EYS: variants seen among roughly 807,000 people sequenced by gnomAD.
EYS encodes the protein protein eyes shut homolog.
In EYS, 250 loss-of-function variants were observed where a neutral mutation model predicts 282.1. That is an observed-to-expected ratio of 0.89 (90% CI 0.80 to 0.98). The LOEUF (loss-of-function observed/expected upper bound fraction) is 0.98, where lower values mean the gene tolerates loss of function less well. Ranked by LOEUF, EYS falls within the 50% of genes least tolerant of loss-of-function variation. EYS has a pLI of 0.00. For synonymous variants in EYS, 1,355 were observed against 1,282.9 expected (o/e 1.06, Z -1.20); for missense variants, 4,016 against 3,709.0 (o/e 1.08, Z -2.15).
intron 33 of EYS, among the ~76,000 whole-genome samples, chr6:64,022,797 C>G (rs1267013493): frequency 2.0e-5 from 3 of 152,204 alleles, no homozygotes; most frequent in Non-Finnish European, 4.4e-5. Flanking sequence ...AAACTAGTGC[C>G]AATGAATTTT....
At chr6:64,420,467 T>A (rs1172608596) in intron 28 of EYS, among the ~76,000 whole-genome samples, 1 of 151,496 alleles carries the variant, frequency 6.6e-6, no homozygotes, top group Non-Finnish European at 1.5e-5. Context: ...CTTGAATTTC[T>A]CCCCAGAAAA....
chr6:64,452,288 A>T (rs1449953698), intron 26 of EYS, among the ~76,000 whole-genome samples: 1 of 152,136 alleles, frequency 6.6e-6, no homozygotes, highest in African/African-American at 2.4e-5. Context: ...ATACCTAGGA[A>T]TCCAACTTAC....
At chr6:65,470,293 G>A (rs959481690) in intron 5 of EYS, among the ~76,000 whole-genome samples, 1 of 152,128 alleles carries the variant, frequency 6.6e-6, no homozygotes, top group African/African-American at 2.4e-5. Flanking sequence ...GCAATGGGAA[G>A]TAAAGTGGCA....
At chr6:65,635,321 G>A (rs1276172444) in intron 2 of EYS, among the ~76,000 whole-genome samples, 1 of 152,084 alleles carries the variant, frequency 6.6e-6, no homozygotes, top group Admixed American at 6.5e-5. Flanking sequence ...GCCCAAAGCA[G>A]GGTTTAAAAC....
chr6:64,457,525 T>A (rs775231698), intron 26 of EYS, among the ~76,000 whole-genome samples: 2 of 152,078 alleles, frequency 1.3e-5, no homozygotes, highest in South Asian at 4.1e-4. Context: ...TGATATTTTC[T>A]TTATGTGTTT....
intron 27 of EYS, 41 bp downstream of exon 27, chr6:64,439,121 C>G: frequency 8.8e-7 from 1 of 1,141,008 alleles, no homozygotes; most frequent in Non-Finnish European, 1.2e-6. Context: ...ATTAGAACAA[C>G]TTTGTAATTT....
At chr6:65,086,280 C>T (rs529582486) in intron 12 of EYS, among the ~76,000 whole-genome samples, 1 of 151,972 alleles carries the variant, frequency 6.6e-6, no homozygotes, top group Non-Finnish European at 1.5e-5. Flanking sequence ...TGTGCCATTG[C>T]ACTCCAGCCT....
chr6:65,095,988 G>T (rs983896397), intron 12 of EYS, among the ~76,000 whole-genome samples: 3 of 150,916 alleles, frequency 2.0e-5, no homozygotes, highest in Admixed American at 6.6e-5. Flanking sequence ...ATCCAAATCA[G>T]AAAGGAAGAA....
chr6:64,252,282 T>A (rs1767243615), intron 30 of EYS, among the ~76,000 whole-genome samples: 2 of 152,176 alleles, frequency 1.3e-5, no homozygotes, highest in South Asian at 4.2e-4. Flanking sequence ...TAGCCCAAAT[T>A]CAAATTAGAA....
In EYS at chr6:64,443,052, G is replaced by C. The variant is rs192291425; in HGVS notation, c.5645-3700C>G. ...CCTGGAAAAGCCACAGACACTCAACGCCAGCCCACGAAGGCAGCCAGGAGA... is the reference window on the plus strand; with the variant it reads ...CCTGGAAAAGCCACAGACACTCAACCCCAGCCCACGAAGGCAGCCAGGAGA... On this transcript the variant is annotated intron_variant, in intron 26 of 42. Coordinates refer to ENST00000503581, the MANE Select transcript of EYS (RefSeq NM_001142800.2). 2.0e-5 allele frequency among the ~76,000 whole-genome samples: 3 copies of C among 152,246 alleles called. No homozygotes were observed. In the East Asian group the frequency reaches 5.8e-4, roughly 29 times the overall value.
At position 64,297,977 on chromosome 6, in the gene EYS, C is replaced by CAAAAAAA. The variant is rs34562408; in HGVS notation, c.6191+8986_6191+8992dup. On this transcript the variant is annotated intron_variant, in intron 30 of 42. Transcript: ENST00000503581. ...TTGGCAACAGAGCAAGATTCTGTCT[C>CAAAAAAA]AAAAAAAAAAAAAAAAAAAAAATTA... is the stretch of plus-strand genomic sequence containing the variant. Among the ~76,000 whole-genome samples the CAAAAAAA allele has an allele frequency of 1.3e-4, 13 of 96,436 alleles. 1 individual carries two copies. Among genetic ancestry groups the CAAAAAAA allele is most frequent in the African/African-American group, 5.0e-4 (13 of 26,028 alleles). The allele number at this position is 96,436 out of a possible 152,430, so 63.3% of individuals were successfully genotyped here.
intron 31 of EYS, among the ~76,000 whole-genome samples, chr6:64,155,839 C>T (rs1353312113): frequency 1.3e-5 from 2 of 151,792 alleles, no homozygotes; most frequent in Non-Finnish European, 2.9e-5. Flanking sequence ...TTCCTTGTGT[C>T]TCCTTATATT....
chr6:63,795,157 AGTAT>A (rs1770613111), intron 37 of EYS, among the ~76,000 whole-genome samples: 1 of 152,234 alleles, frequency 6.6e-6, no homozygotes, highest in Non-Finnish European at 1.5e-5. Context: ...TTTCAAAGTA[AGTAT>A]GTTGTGGCAA....
rs1400961506 is a variant in EYS, at chr6:65,640,903, G to A, written c.-447-1011C>T. Among the ~76,000 whole-genome samples the A allele has an allele frequency of 5.9e-5, 9 of 151,430 alleles. No homozygotes were observed. The East Asian group carries it at 1.7e-3, about 29-fold the overall frequency. ...AGCCACAATTTTTTTTTTACCCTTG[G>A]CCAGTAAAATTTATTATCTGTGCCC... On this transcript the variant is annotated intron_variant, in intron 1 of 42. Transcript: ENST00000503581.
At chr6:64,262,576 T>A (rs978858898) in intron 30 of EYS, among the ~76,000 whole-genome samples, 5 of 152,022 alleles carry the variant, frequency 3.3e-5, no homozygotes, top group African/African-American at 1.2e-4. Context: ...ATTTGACAGA[T>A]ATTTTTTAAA....
At chr6:64,686,184 A>G (rs1219038617) in intron 22 of EYS, among the ~76,000 whole-genome samples, 1 of 152,018 alleles carries the variant, frequency 6.6e-6, no homozygotes, top group African/African-American at 2.4e-5. Context: ...AAATAAGAAA[A>G]ATTTAAAGTT....
chr6:65,092,145 T>C (rs1016463881), intron 12 of EYS, among the ~76,000 whole-genome samples: 4 of 152,156 alleles, frequency 2.6e-5, no homozygotes, highest in Non-Finnish European at 4.4e-5. Flanking sequence ...AAATAAAAGA[T>C]AATTTTTGGT....
At position 64,439,304 on chromosome 6, in the gene EYS, T is replaced by C. The variant is rs758448822; in HGVS notation, c.5693A>G (p.Asn1898Ser). The C allele has an allele frequency of 1.3e-5, 20 of 1,518,854 alleles. No individual in the cohort carries two copies. Among genetic ancestry groups the C allele is most frequent in the South Asian group, 2.6e-5 (2 of 76,460 alleles). The allele number at this position is 1,518,854 out of a possible 1,614,324, so 94.1% of individuals were successfully genotyped here. A position where few individuals can be genotyped will look rare whatever the true frequency, so the allele number is the denominator to read the frequency against. Reference protein sequence around the residue: ...YYGDSYLEFQNVALNPQNNIS... With the variant: ...YYGDSYLEFQSVALNPQNNIS... ...GTTATTTTGTGGATTTAAAGCCACATTCTGAAATTCTAGATAAGAATCTCC... is the reference window on the plus strand; with the variant it reads ...GTTATTTTGTGGATTTAAAGCCACACTCTGAAATTCTAGATAAGAATCTCC... Residue 1898 changes from asparagine to serine, a missense_variant, in exon 27 of 43, where the codon AAT becomes AGT. Coordinates refer to ENST00000503581, the MANE Select transcript of EYS (RefSeq NM_001142800.2).
chr6:63,965,338 C>T (rs1368059323), intron 35 of EYS, among the ~76,000 whole-genome samples: 2 of 152,170 alleles, frequency 1.3e-5, no homozygotes, highest in African/African-American at 4.8e-5. Context: ...GTCGTGTGAT[C>T]CCACTGTGTC....
Sources: gnomAD v4.1 joint callset for allele counts (sites outside exome capture counted in the v4.1 genomes callset) on GRCh38, gnomAD v4.1.1 for gene constraint, MANE v1.5 for transcripts, NCBI Gene and HGNC (gene_info 2026-07-23, HGNC 2026-07-21) for gene names.